Variants in ADGRB1 observed in about 807,000 individuals in gnomAD.
ADGRB1 encodes the protein brain-specific angiogenesis inhibitor 1.
In ADGRB1, 36 loss-of-function variants were observed where a neutral mutation model predicts 175.7. The observed-to-expected ratio is 0.20, with a 90% confidence interval of 0.16 to 0.27. The LOEUF (loss-of-function observed/expected upper bound fraction) is 0.27, where lower values mean the gene tolerates loss of function less well. ADGRB1 is among the 10% of genes least tolerant of loss of function. The pLI, the probability that ADGRB1 is intolerant of heterozygous loss-of-function variation, is 1.00. For synonymous variants in ADGRB1, 1,054 were observed against 979.4 expected (o/e 1.08, Z -1.42); for missense variants, 1,731 against 2,255.3 (o/e 0.77, Z 4.71).
rs1360916670 is a variant in ADGRB1 at position 142,511,140 on chromosome 8, C to T, written c.2817+67C>T. On this transcript the variant is annotated intron_variant, in intron 18 of 30. Transcript: ENST00000517894. The surrounding 1 kb of genome is among the most constrained non-coding windows in gnomAD (Gnocchi z 4.5). ...GGCGCGGGCGGGGGCTGCCGGCGGG[C>T]CTGCGGGTGGGGAGGGCCCGCACCC... is the stretch of plus-strand genomic sequence containing the variant. 2.9e-6 allele frequency: 3 copies of T among 1,030,234 alleles called. No individual in the cohort carries two copies. The highest frequency in any genetic ancestry group is 3.5e-6 in the Non-Finnish European group (3 of 857,008). The allele number at this position is 1,030,234 out of a possible 1,614,324, so 63.8% of individuals were successfully genotyped here.
chr8:142,506,452 G>A (rs1330226286), intron 17 of ADGRB1, among the ~76,000 whole-genome samples: 4 of 152,208 alleles, frequency 2.6e-5, no homozygotes, highest in Non-Finnish European at 5.9e-5. Flanking sequence ...ATGGGGGTGG[G>A]GAGCAGGTGT....
At chr8:142,456,253 G>A (rs979082261) in intron 1 of ADGRB1, among the ~76,000 whole-genome samples, 11 of 151,974 alleles carry the variant, frequency 7.2e-5, no homozygotes, top group Admixed American at 1.3e-4. Context: ...ACATAGACCC[G>A]CCTTGCCCCT....
At chr8:142,500,823 G>A (rs1361133099) in intron 17 of ADGRB1, among the ~76,000 whole-genome samples, 3 of 152,200 alleles carry the variant, frequency 2.0e-5, no homozygotes, top group Non-Finnish European at 1.5e-5. Flanking sequence ...GGAAGCAGGG[G>A]GATGGTGGAA....
chr8:142,485,641 C>CT (rs1394592662), intron 13 of ADGRB1, among the ~76,000 whole-genome samples: 1 of 152,216 alleles, frequency 6.6e-6, no homozygotes, highest in African/African-American at 2.4e-5. Context: ...CACACACACC[C>CT]TGGGGCCTTG....
chr8:142,526,485 G>A, intron 23 of ADGRB1, 57 bp from the exon 24 acceptor site: 1 of 1,437,534 alleles, frequency 7.0e-7, no homozygotes, highest in East Asian at 2.5e-5. Flanking sequence ...GCCAGTGTCA[G>A]CCCCTGAGCC....
At chr8:142,488,904 C>T (rs532867964) in intron 14 of ADGRB1, 131 bp from the exon 15 acceptor site, 12 of 1,166,498 alleles carry the variant, frequency 1.0e-5, no homozygotes, top group Admixed American at 6.2e-5. Flanking sequence ...CCTCACCATC[C>T]GCCAGGGCCC....
At position 142,510,916 on chromosome 8, in the gene ADGRB1, T is replaced by TTGC; in HGVS notation, c.2676-16_2676-15insTGC. ...ACGCTCCGCCTGTCTCCCTCCCGTG[T>TTGC]CCCGCCCGCCCCCAGACCCTCCTCC... On this transcript the variant is annotated splice_polypyrimidine_tract_variant and intron_variant, in intron 17 of 30. Coordinates refer to ENST00000517894, the MANE Select transcript of ADGRB1 (RefSeq NM_001702.3). This position sits in a 1 kb window ranked among gnomAD's most constrained non-coding sequence, Gnocchi z 6.3. The TTGC allele has an allele frequency of 1.4e-5, 14 of 969,640 alleles. No individual in the cohort carries two copies. The highest frequency in any genetic ancestry group is 1.8e-5 in the Non-Finnish European group (14 of 789,204). The allele number at this position is 969,640 out of a possible 1,614,324, so 60.1% of individuals were successfully genotyped here.
intron 3 of ADGRB1, 145 bp downstream of exon 3, chr8:142,475,780 T>C (rs1840931654): frequency 3.5e-5 from 1 of 28,492 alleles, no homozygotes; most frequent in Admixed American, 5.1e-4. Context: ...AGGGAGGGGC[T>C]TGGGGGCGGG....
At chr8:142,523,853 C>T (rs918823441) in intron 22 of ADGRB1, among the ~76,000 whole-genome samples, 65 of 152,052 alleles carry the variant, frequency 4.3e-4, no homozygotes, top group African/African-American at 1.5e-3. Context: ...TGAGCCCCAG[C>T]ATTCAAGCAT....
intron 11 of ADGRB1, among the ~76,000 whole-genome samples, chr8:142,483,320 A>C (rs1395966231): frequency 1.1e-5 from 1 of 91,832 alleles, no homozygotes; most frequent in African/African-American, 6.0e-5. Context: ...CACTGGTCAC[A>C]TGCTGAACCC....
chr8:142,514,499 A>G (rs1843307882), intron 18 of ADGRB1, among the ~76,000 whole-genome samples: 1 of 152,170 alleles, frequency 6.6e-6, no homozygotes, highest in African/African-American at 2.4e-5. Flanking sequence ...TGATATATTT[A>G]TGGCACTTGA....
chr8:142,454,780 C>T (rs1471819140), intron 1 of ADGRB1, among the ~76,000 whole-genome samples: 1 of 152,166 alleles, frequency 6.6e-6, no homozygotes, highest in East Asian at 1.9e-4. Context: ...GCCCCACCCT[C>T]CCTCTCTTCT....
At chr8:142,525,073 C>G (rs1844094923) in intron 23 of ADGRB1, among the ~76,000 whole-genome samples, 1 of 152,128 alleles carries the variant, frequency 6.6e-6, no homozygotes, top group African/African-American at 2.4e-5. Context: ...GGGCCACACC[C>G]CATCCTAGTG....
At chr8:142,467,768 T>C (rs1450771403) in intron 2 of ADGRB1, among the ~76,000 whole-genome samples, 4 of 152,244 alleles carry the variant, frequency 2.6e-5, no homozygotes, top group Non-Finnish European at 5.9e-5. Context: ...CCATCAGGTC[T>C]CTCATCCCCT....
chr8:142,454,923 G>A (rs551167385), intron 1 of ADGRB1, among the ~76,000 whole-genome samples: 22 of 152,100 alleles, frequency 1.4e-4, no homozygotes, highest in African/African-American at 4.3e-4. Context: ...GCTCTTGTTC[G>A]GGGCTACCCT....
intron 18 of ADGRB1, among the ~76,000 whole-genome samples, chr8:142,515,396 G>T (rs891101500): frequency 2.0e-5 from 3 of 152,216 alleles, no homozygotes; most frequent in Non-Finnish European, 4.4e-5. Flanking sequence ...AGCAACGGCC[G>T]TCGGGAGTGA....
intron 2 of ADGRB1, among the ~76,000 whole-genome samples, chr8:142,467,339 AG>A (rs1411055907): frequency 6.6e-6 from 1 of 152,228 alleles, no homozygotes; most frequent in Non-Finnish European, 1.5e-5. Flanking sequence ...GCCGGCATTC[AG>A]GAGGGGACTG....
chr8:142,513,046 G>A (rs901016900), intron 18 of ADGRB1, among the ~76,000 whole-genome samples: 1 of 152,096 alleles, frequency 6.6e-6, no homozygotes, highest in Non-Finnish European at 1.5e-5. Flanking sequence ...CTGTCGGGGG[G>A]CGCTTCTAGT....
chr8:142,453,120 C>T (rs1563670281), intron 1 of ADGRB1, among the ~76,000 whole-genome samples: 1 of 149,632 alleles, frequency 6.7e-6, no homozygotes, highest in Non-Finnish European at 1.5e-5. Context: ...GAGCCCCCCT[C>T]GCCGGCCCGG....
Sources: gnomAD v4.1 joint callset for allele counts (sites outside exome capture counted in the v4.1 genomes callset) on GRCh38, gnomAD v4.1.1 for gene constraint, Gnocchi (gnomAD v3.1) non-coding constraint, MANE v1.5 for transcripts, NCBI Gene and HGNC (gene_info 2026-07-23, HGNC 2026-07-21) for gene names.